The following RABGAP1 variants were observed in gnomAD, a reference collection of about 807,000 sequenced individuals.
RABGAP1 encodes RAB GTPase activating protein 1.
Under a neutral mutation model 137.6 loss-of-function variants are expected in RABGAP1, and 23 were observed. That is an observed-to-expected ratio of 0.17 (90% confidence interval 0.12 to 0.24). RABGAP1 has a LOEUF of 0.24. Ranked by LOEUF, RABGAP1 falls within the 10% of genes least tolerant of loss-of-function variation. The probability of loss-of-function intolerance (pLI) is 1.00; values close to 1 mark genes in which losing one functional copy is unlikely to be tolerated. For synonymous variants in RABGAP1, 451 were observed against 450.7 expected (o/e 1.00, Z -0.01); for missense variants, 906 against 1,275.8 (o/e 0.71, Z 4.42).
intron 19 of RABGAP1, among the ~76,000 whole-genome samples, chr9:123,079,641 A>ACTACGTTTCCCC (rs1397892370): frequency 6.6e-6 from 1 of 152,072 alleles, no homozygotes; most frequent in Non-Finnish European, 1.5e-5. Context: ...TCTTTCTCCT[A>ACTACGTTTCCCC]CTACGTTTCC....
chr9:123,019,930 C>T (rs1411141087), intron 12 of RABGAP1, among the ~76,000 whole-genome samples: 1 of 152,116 alleles, frequency 6.6e-6, no homozygotes, highest in Non-Finnish European at 1.5e-5. Context: ...GTGATATACC[C>T]ACCTCGGCCT....
chr9:123,003,685 G>A (rs1407731842), intron 10 of RABGAP1, among the ~76,000 whole-genome samples: 1 of 152,144 alleles, frequency 6.6e-6, no homozygotes, highest in Non-Finnish European at 1.5e-5. Flanking sequence ...CTGTGAGACT[G>A]TTATATTAAG....
At chr9:123,037,460 T>C (rs1683418162) in intron 13 of RABGAP1, among the ~76,000 whole-genome samples, 1 of 152,216 alleles carries the variant, frequency 6.6e-6, no homozygotes, top group African/African-American at 2.4e-5. Context: ...CAAGTTATGT[T>C]AGAAATGGCT....
chr9:122,936,729 T>G (rs1304211415), upstream of RABGAP1, among the ~76,000 whole-genome samples: 1 of 152,066 alleles, frequency 6.6e-6, no homozygotes, highest in East Asian at 1.9e-4. Context: ...TTTCCAAGGG[T>G]TTTAAAAGAA....
At chr9:122,995,923 T>C (rs945143363) in intron 6 of RABGAP1, 118 bp from the exon 7 acceptor site, 52 of 1,453,310 alleles carry the variant, frequency 3.6e-5, no homozygotes, top group Non-Finnish European at 4.5e-5. Context: ...TTTTTTGTTA[T>C]TATTTGCAAA....
chr9:122,983,419 C>CA (rs1486355586), intron 2 of RABGAP1, among the ~76,000 whole-genome samples: 2 of 152,008 alleles, frequency 1.3e-5, no homozygotes, highest in Non-Finnish European at 2.9e-5. Flanking sequence ...AAAATGTCCG[C>CA]AAAAAAGACT....
intron 12 of RABGAP1, among the ~76,000 whole-genome samples, chr9:123,019,727 G>T (rs1484208347): frequency 6.6e-6 from 1 of 151,898 alleles, no homozygotes; most frequent in South Asian, 2.1e-4. Context: ...GTCTCGCTCT[G>T]TCACCCAGGC....
intron 13 of RABGAP1, among the ~76,000 whole-genome samples, chr9:123,026,643 C>T (rs976165232): frequency 1.3e-5 from 2 of 152,132 alleles, no homozygotes; most frequent in African/African-American, 4.8e-5. Context: ...AATAAGTAAT[C>T]CACAGAGACT....
intron 12 of RABGAP1, 50 bp from the exon 13 acceptor site, chr9:123,020,259 G>T: frequency 7.4e-7 from 1 of 1,352,580 alleles, no homozygotes; most frequent in South Asian, 1.9e-5. Flanking sequence ...ACATTCTTTA[G>T]AGAATCTTAT....
chr9:123,036,937 ATTATCT>A (rs1447952795), intron 13 of RABGAP1, among the ~76,000 whole-genome samples: 1 of 152,026 alleles, frequency 6.6e-6, no homozygotes, highest in Non-Finnish European at 1.5e-5. Context: ...CTTAAAAGTG[ATTATCT>A]TTAGAGCAAG....
At chr9:123,100,240 T>C (rs1161707542) in intron 24 of RABGAP1, among the ~76,000 whole-genome samples, 2 of 152,212 alleles carry the variant, frequency 1.3e-5, no homozygotes, top group African/African-American at 2.4e-5. Flanking sequence ...ATAAGCAATT[T>C]ACTGAAAAGT....
intron 13 of RABGAP1, among the ~76,000 whole-genome samples, chr9:123,022,511 ATTC>A (rs1208018303): frequency 6.6e-6 from 1 of 151,972 alleles, no homozygotes. Context: ...GGTTTAAGCG[ATTC>A]TCCTGCCGCA....
intron 13 of RABGAP1, among the ~76,000 whole-genome samples, chr9:123,028,455 G>T (rs964976321): frequency 1.3e-5 from 2 of 152,178 alleles, no homozygotes; most frequent in Admixed American, 1.3e-4. Flanking sequence ...ATGACATGAA[G>T]GATTTCTCAC....
At chr9:123,057,108 AC>A (rs1446444862) in intron 13 of RABGAP1, among the ~76,000 whole-genome samples, 1 of 128,632 alleles carries the variant, frequency 7.8e-6, no homozygotes, top group East Asian at 2.4e-4. Flanking sequence ...CGGGGGGCTG[AC>A]CCCCCCACCT....
At chr9:123,063,126 G>T (rs2132112885) in intron 13 of RABGAP1, 1 of 152,358 alleles carries the variant, frequency 6.6e-6, no homozygotes, top group South Asian at 2.1e-4. Flanking sequence ...CCTTTTTCAG[G>T]TTGTCATCTC....
At chr9:122,976,254 C>G (rs972496987) in intron 2 of RABGAP1, among the ~76,000 whole-genome samples, 7 of 152,130 alleles carry the variant, frequency 4.6e-5, no homozygotes, top group Non-Finnish European at 1.0e-4. Flanking sequence ...AAGAACTGTT[C>G]CTTTTAATGT....
intron 14 of RABGAP1, among the ~76,000 whole-genome samples, chr9:123,067,007 C>A (rs2034197206): frequency 6.6e-6 from 1 of 151,976 alleles, no homozygotes; most frequent in Non-Finnish European, 1.5e-5. Context: ...ACATCATGAT[C>A]CTAATTTTTT....
intron 1 of RABGAP1, among the ~76,000 whole-genome samples, chr9:122,954,257 G>A (rs966431927): frequency 3.9e-5 from 6 of 152,036 alleles, no homozygotes; most frequent in African/African-American, 1.4e-4. Context: ...GGGAATGGGT[G>A]GTTTTATCTA....
chr9:123,019,729 C>T (rs750356546), intron 12 of RABGAP1, among the ~76,000 whole-genome samples: 1 of 152,118 alleles, frequency 6.6e-6, no homozygotes, highest in Non-Finnish European at 1.5e-5. Flanking sequence ...CTCGCTCTGT[C>T]ACCCAGGCTG....
Sources: allele counts gnomAD v4.1 joint callset (sites outside exome capture counted in the v4.1 genomes callset), GRCh38; gene constraint gnomAD v4.1.1; transcripts MANE v1.5; gene names NCBI Gene and HGNC (gene_info 2026-07-23, HGNC 2026-07-21).